Variants in GRIN2B observed in about 807,000 individuals in gnomAD.
GRIN2B encodes glutamate receptor ionotropic, NMDA 2B.
GRIN2B carries 5 observed loss-of-function variants against 114.5 expected under a neutral mutation model. That is an observed-to-expected ratio of 0.04 (90% CI 0.02 to 0.09). The LOEUF (loss-of-function observed/expected upper bound fraction) is 0.09, where lower values mean the gene tolerates loss of function less well. Ranked by LOEUF, GRIN2B falls within the 10% of genes least tolerant of loss-of-function variation. The pLI, the probability that GRIN2B is intolerant of heterozygous loss-of-function variation, is 1.00. For missense variants in GRIN2B, 1,108 were observed against 1,943.5 expected (o/e 0.57, Z 8.08); for synonymous variants, 787 against 745.1 (o/e 1.06, Z -0.92).
chr12:13,628,337 T>G (rs1315366064), intron 5 of GRIN2B, among the ~76,000 whole-genome samples: 6 of 152,172 alleles, frequency 3.9e-5, no homozygotes, highest in African/African-American at 1.4e-4. Flanking sequence ...ATTATACTGG[T>G]CTTCAAACAA....
rs61241187 is a variant in GRIN2B, at chr12:13,932,986, T to TGTGTGTGCGC, written c.-19+46941_-19+46942insGCGCACACAC. ...GTGTGTGTGTGTGTGTGTGTGTGTG[T>TGTGTGTGCGC]GCGTGTGCGTGTGTGTGTGTTTGTG... On this transcript the variant is annotated intron_variant, in intron 2 of 13. Coordinates refer to ENST00000609686, the MANE Select transcript of GRIN2B (RefSeq NM_000834.5). 6.5e-3 allele frequency among the ~76,000 whole-genome samples: 969 copies of TGTGTGTGCGC among 148,398 alleles called. 3 individuals are homozygous for TGTGTGTGCGC. The highest frequency in any genetic ancestry group is 0.01 in the Non-Finnish European group (693 of 67,464).
At chr12:13,627,556 G>A (rs1342472700) in intron 5 of GRIN2B, among the ~76,000 whole-genome samples, 4 of 152,190 alleles carry the variant, frequency 2.6e-5, no homozygotes, top group Non-Finnish European at 5.9e-5. Context: ...AAGCCAAGAA[G>A]TAAGTTGGGT....
At chr12:13,604,110 T>C (rs555949874) in intron 10 of GRIN2B, among the ~76,000 whole-genome samples, 24 of 152,218 alleles carry the variant, frequency 1.6e-4, no homozygotes, top group Non-Finnish European at 3.5e-4. Context: ...TGAGAATGCA[T>C]TGTGGGCTCT....
intron 10 of GRIN2B, among the ~76,000 whole-genome samples, chr12:13,589,955 T>C (rs940783706): frequency 6.6e-6 from 1 of 152,160 alleles, no homozygotes; most frequent in African/African-American, 2.4e-5. Flanking sequence ...CAGATTATGA[T>C]AGACTATCAA....
chr12:13,912,887 C>T (rs1050452169), intron 2 of GRIN2B, among the ~76,000 whole-genome samples: 2 of 152,056 alleles, frequency 1.3e-5, no homozygotes, highest in African/African-American at 4.8e-5. Context: ...CCTGGGTCCC[C>T]CCTCCTCAAT....
intron 3 of GRIN2B, among the ~76,000 whole-genome samples, chr12:13,852,154 A>C (rs968868611): frequency 1.3e-5 from 2 of 152,232 alleles, no homozygotes; most frequent in Non-Finnish European, 2.9e-5. Context: ...AGTTCAAGAC[A>C]GGCTACCCTG....
In GRIN2B at chr12:13,562,978, G is replaced by A; in HGVS notation, c.4260C>T (p.Asp1420=). 1 of 1,613,918 alleles carries A rather than the reference G, an allele frequency of 6.2e-7. No individual in the cohort carries two copies. The highest frequency in any genetic ancestry group is 1.1e-5 in the South Asian group (1 of 91,086). ...TVAGASKARP[D]FRALVTNKPV... ...GCTTGTTGGTGACAAGGGCCCGGAA[G>A]TCCGGCCTGGCTTTCGACGCCCCCG... The change falls in exon 14 of 14, where the codon GAC becomes GAT. Residue 1420 remains aspartate (D), a synonymous_variant. Coordinates refer to ENST00000609686, the MANE Select transcript of GRIN2B (RefSeq NM_000834.5).
At chr12:13,690,194 ATTTG>A (rs1255906091) in intron 4 of GRIN2B, among the ~76,000 whole-genome samples, 1 of 151,972 alleles carries the variant, frequency 6.6e-6, no homozygotes, top group Non-Finnish European at 1.5e-5. Context: ...ATACTTATTG[ATTTG>A]TTTTTCACTT....
At chr12:13,751,099 CAG>C (rs1424977019) in intron 4 of GRIN2B, among the ~76,000 whole-genome samples, 1 of 152,018 alleles carries the variant, frequency 6.6e-6, no homozygotes, top group Non-Finnish European at 1.5e-5. Flanking sequence ...AAGTTTAAGA[CAG>C]AGAGAGGAAA....
chr12:13,960,405 C>T (rs753939480), intron 2 of GRIN2B, among the ~76,000 whole-genome samples: 9 of 152,114 alleles, frequency 5.9e-5, no homozygotes, highest in Non-Finnish European at 1.2e-4. Flanking sequence ...ACCACTAAAA[C>T]GTGGCAGCTT....
chr12:13,795,731 A>G (rs1401171417), intron 3 of GRIN2B, among the ~76,000 whole-genome samples: 1 of 152,168 alleles, frequency 6.6e-6, no homozygotes, highest in African/African-American at 2.4e-5. Flanking sequence ...GCGCATATAC[A>G]CCATGGAATA....
At chr12:13,717,066 C>CGTGTGTGTGTGTGTGT (rs56360153) in intron 4 of GRIN2B, among the ~76,000 whole-genome samples, 19 of 146,038 alleles carry the variant, frequency 1.3e-4, no homozygotes, top group Non-Finnish European at 2.4e-4. Context: ...ATGCCATACG[C>CGTGTGTGTGTGTGTGT]GTGTGTGTGT....
intron 4 of GRIN2B, among the ~76,000 whole-genome samples, chr12:13,740,439 T>C (rs746974911): frequency 1.3e-5 from 2 of 151,986 alleles, no homozygotes; most frequent in Non-Finnish European, 2.9e-5. Flanking sequence ...TTTTGTGAAG[T>C]GCAGAAAAGT....
In GRIN2B at chr12:13,562,038, C is replaced by CT. The variant is rs1948551734; in HGVS notation, c.*744_*745insA. ...CTGACTACACATGGGTGCAAGTGTG[C>CT]ATGAACACACATGCACGCACAATCC... On this transcript the variant is annotated 3_prime_UTR_variant, in exon 14 of 14. Transcript: ENST00000609686. 3 of 152,640 alleles carry CT rather than the reference C, an allele frequency of 2.0e-5. No homozygotes were observed. The highest frequency in any genetic ancestry group is 4.1e-4 in the South Asian group (2 of 4,824). 9.5% of individuals were successfully genotyped at this position (152,640 alleles called of 1,614,324 possible). A position where few individuals can be genotyped will look rare whatever the true frequency, so the allele number is the denominator to read the frequency against.
chr12:13,865,843 G>T lies in GRIN2B; in HGVS notation c.366C>A (p.Pro122=), dbSNP rs7301328. 5.0e-6 allele frequency: 8 copies of T among 1,613,732 alleles called. No homozygotes were observed. The South Asian group carries it at 7.7e-5, about 16-fold the overall frequency. ...AGGAGCCCCCGTGGATGCCCAGGAT[G>T]GGGGTGAGAGTCTGTGCTGAAATGA... ...LDFISAQTLT[P]ILGIHGGSSM... The change falls in exon 3 of 14, where the codon CCC becomes CCA. Residue 122 remains proline (P), a synonymous_variant. Coordinates refer to ENST00000609686, the MANE Select transcript of GRIN2B (RefSeq NM_000834.5).
intron 3 of GRIN2B, among the ~76,000 whole-genome samples, chr12:13,846,506 A>T (rs1268151403): frequency 6.6e-6 from 1 of 152,232 alleles, no homozygotes; most frequent in Non-Finnish European, 1.5e-5. Flanking sequence ...TCTCTACCTC[A>T]AATCCACCCA....
At chr12:13,811,672 C>T (rs1444469735) in intron 3 of GRIN2B, among the ~76,000 whole-genome samples, 2 of 152,230 alleles carry the variant, frequency 1.3e-5, no homozygotes, top group African/African-American at 2.4e-5. Context: ...CTATTACTTA[C>T]CTGAGGGCTG....
chr12:13,595,584 A>G (rs889526595), intron 10 of GRIN2B, among the ~76,000 whole-genome samples: 7 of 152,106 alleles, frequency 4.6e-5, no homozygotes, highest in African/African-American at 1.7e-4. Context: ...GGTGCTGAGA[A>G]CTGGCATTGA....
At chr12:13,837,381 C>T (rs76912703) in intron 3 of GRIN2B, among the ~76,000 whole-genome samples, 7,469 of 152,284 alleles carry the variant, frequency 0.049, 504 homozygotes, top group African/African-American at 0.15. Flanking sequence ...ACTTGTACAA[C>T]AATCTCTACC....
Sources: gnomAD v4.1 joint callset for allele counts (sites outside exome capture counted in the v4.1 genomes callset) on GRCh38, gnomAD v4.1.1 for gene constraint, MANE v1.5 for transcripts, NCBI Gene and HGNC (gene_info 2026-07-23, HGNC 2026-07-21) for gene names.